Variants in P2RY14 observed in about 807,000 individuals in gnomAD.
P2RY14 encodes purinergic receptor P2Y14.
In P2RY14, 2 loss-of-function variants were observed where a neutral mutation model predicts 0.9. That is an observed-to-expected ratio of 2.16 (90% CI 0.88 to 6.79). The LOEUF (loss-of-function observed/expected upper bound fraction) is 6.79. P2RY14 is among the 30% of genes most tolerant of loss of function. The pLI is 0.05. For missense variants in P2RY14, 378 were observed against 400.1 expected (o/e 0.94, Z 0.47); for synonymous variants, 158 against 147.2 (o/e 1.07, Z -0.53).
chr3:151,213,386 G>T lies in P2RY14; in HGVS notation c.931C>A (p.His311Asn), dbSNP rs139530456. Residue 311 changes from histidine (H) to asparagine (N), a missense_variant, in exon 3 of 3, where the codon CAC becomes AAC. Coordinates refer to ENST00000309170, the MANE Select transcript of P2RY14 (RefSeq NM_014879.4). Reference sequence around the variant, plus strand: ...TCATTCTGAGCTTTTAATGGAATGTGCAATTTCTTACATAAGATTTCCCTA... The same window carrying T: ...TCATTCTGAGCTTTTAATGGAATGTTCAATTTCTTACATAAGATTTCCCTA... ...PFREILCKKL[H>N]IPLKAQNDLD... 13 of 1,613,582 alleles carry T rather than the reference G, an allele frequency of 8.1e-6. No individual in the cohort carries two copies. Among genetic ancestry groups the T allele is most frequent in the Non-Finnish European group, 1.1e-5 (13 of 1,179,638 alleles).
intron 2 of P2RY14, among the ~76,000 whole-genome samples, chr3:151,215,273 G>A (rs995306418): frequency 2.7e-4 from 41 of 152,208 alleles, no homozygotes; most frequent in African/African-American, 8.9e-4. Context: ...AGCCATGTGT[G>A]GGTATTGAGC....
chr3:151,245,667 T>G (rs1358195536), intron 1 of P2RY14, among the ~76,000 whole-genome samples: 1 of 133,166 alleles, frequency 7.5e-6, no homozygotes, highest in Non-Finnish European at 1.6e-5. Context: ...AATATCATAC[T>G]GAATGGGCAA....
At chr3:151,258,091 G>C (rs1738162879) in intron 1 of P2RY14, among the ~76,000 whole-genome samples, 1 of 152,098 alleles carries the variant, frequency 6.6e-6, no homozygotes, top group South Asian at 2.1e-4. Context: ...CCAATCTGTG[G>C]GTCCCTGAGT....
chr3:151,233,008 A>G (rs1440694625), intron 1 of P2RY14, among the ~76,000 whole-genome samples: 4 of 152,218 alleles, frequency 2.6e-5, no homozygotes, highest in Admixed American at 2.6e-4. Context: ...AGCTATTACC[A>G]GACAGTGTAT....
At chr3:151,252,756 A>T (rs990565543) in intron 1 of P2RY14, among the ~76,000 whole-genome samples, 1 of 152,148 alleles carries the variant, frequency 6.6e-6, no homozygotes, top group Non-Finnish European at 1.5e-5. Flanking sequence ...AGGTTTGTTC[A>T]TATGTAATCT....
rs1252732953 is a variant in P2RY14 at position 151,213,363 on chromosome 3, A to G, written c.954T>C (p.Asn318=). ...KKLHIPLKAQ[N]DLDISRIKRG... is the part of the protein sequence containing the mutation. ...TTTTGATTCTGGAAATGTCTAGGTC[A>G]TTCTGAGCTTTTAATGGAATGTGCA... Residue 318 remains asparagine (N), a synonymous_variant, in exon 3 of 3, where the codon AAT becomes AAC. Transcript: ENST00000309170. The G allele has an allele frequency of 6.2e-7, 1 of 1,613,844 alleles. No individual in the cohort carries two copies. The highest frequency in any genetic ancestry group is 8.5e-7 in the Non-Finnish European group (1 of 1,179,932).
At chr3:151,223,689 C>T (rs1017791838) in intron 1 of P2RY14, among the ~76,000 whole-genome samples, 5 of 152,130 alleles carry the variant, frequency 3.3e-5, no homozygotes, top group South Asian at 4.1e-4. Flanking sequence ...ACTCCAAAGA[C>T]GGGGAGGTAG....
intron 1 of P2RY14, among the ~76,000 whole-genome samples, chr3:151,225,500 C>T (rs1220767629): frequency 2.6e-5 from 4 of 152,130 alleles, no homozygotes; most frequent in African/African-American, 9.7e-5. Flanking sequence ...AATTTGCTCA[C>T]GAGGCCTTTG....
chr3:151,217,354 A>G (rs3821666), intron 2 of P2RY14, among the ~76,000 whole-genome samples: 8,851 of 152,284 alleles, frequency 0.058, 780 homozygotes, highest in African/African-American at 0.19. Flanking sequence ...CTGCAGGTCC[A>G]GAACTCTGCT....
chr3:151,226,862 C>T (rs186359668), intron 1 of P2RY14, among the ~76,000 whole-genome samples: 8 of 152,272 alleles, frequency 5.3e-5, no homozygotes, highest in East Asian at 1.9e-4. Flanking sequence ...GATACAGAGT[C>T]GGACTATCAT....
chr3:151,221,325 G>C lies in P2RY14; in HGVS notation c.-132-1683C>G, dbSNP rs552953556. 2.0e-5 allele frequency among the ~76,000 whole-genome samples: 3 copies of C among 152,340 alleles called. No individual in the cohort carries two copies. In the East Asian group the frequency reaches 5.8e-4, roughly 29 times the overall value. On this transcript the variant is annotated intron_variant, in intron 1 of 2. Coordinates refer to ENST00000309170, the MANE Select transcript of P2RY14 (RefSeq NM_014879.4). Reference sequence around the variant, plus strand: ...AGAAAAGAAAATCCCATCTTCTGACGAGAAGTTCAAGCCGGCTGCAGAAGT... The same window carrying C: ...AGAAAAGAAAATCCCATCTTCTGACCAGAAGTTCAAGCCGGCTGCAGAAGT...
intron 1 of P2RY14, among the ~76,000 whole-genome samples, chr3:151,232,660 A>G (rs972524800): frequency 1.3e-5 from 2 of 152,248 alleles, no homozygotes; most frequent in African/African-American, 4.8e-5. Context: ...GCTGGAAACC[A>G]TTATCCTTAG....
chr3:151,233,664 C>T (rs956872508), intron 1 of P2RY14, among the ~76,000 whole-genome samples: 4 of 152,124 alleles, frequency 2.6e-5, no homozygotes, highest in Non-Finnish European at 4.4e-5. Flanking sequence ...ACCCGGGAGG[C>T]GGAGGTTGTG....
At chr3:151,243,489 A>G (rs559899467) in intron 1 of P2RY14, among the ~76,000 whole-genome samples, 16 of 152,214 alleles carry the variant, frequency 1.1e-4, no homozygotes, top group Non-Finnish European at 2.4e-4. Flanking sequence ...AGAATTTTCA[A>G]CCTGGAATTT....
rs190929035 is a variant in P2RY14 at position 151,250,291 on chromosome 3, T to C, written c.-133+27996A>G. On this transcript the variant is annotated intron_variant, in intron 1 of 2. Coordinates refer to ENST00000309170, the MANE Select transcript of P2RY14 (RefSeq NM_014879.4). ...TTTTGGGATTGTGGTGAAATACACA[T>C]AACATTTGCCACCTTAACTATTTTT... Among the ~76,000 whole-genome samples, 135 of 152,352 alleles carry C rather than the reference T, an allele frequency of 8.9e-4. No individual in the cohort carries two copies. The East Asian group carries it at 0.021, about 24-fold the overall frequency.
intron 1 of P2RY14, among the ~76,000 whole-genome samples, chr3:151,236,119 T>C (rs1732733243): frequency 6.6e-6 from 1 of 152,204 alleles, no homozygotes; most frequent in Admixed American, 6.5e-5. Flanking sequence ...ATTTCTCTTG[T>C]TAACGGCAAA....
intron 1 of P2RY14, among the ~76,000 whole-genome samples, chr3:151,266,682 G>T (rs556208107): frequency 1.1e-3 from 169 of 152,306 alleles, no homozygotes; most frequent in Non-Finnish European, 1.2e-3. Flanking sequence ...TCAGTGGAAA[G>T]GAACTCCAGC....
intron 1 of P2RY14, among the ~76,000 whole-genome samples, chr3:151,256,148 G>C (rs1737773186): frequency 6.6e-6 from 1 of 152,132 alleles, no homozygotes; most frequent in Non-Finnish European, 1.5e-5. Flanking sequence ...GTAGGTCTTT[G>C]ACCCAGCCAC....
chr3:151,254,418 C>G (rs1342917961), intron 1 of P2RY14, among the ~76,000 whole-genome samples: 2 of 152,170 alleles, frequency 1.3e-5, no homozygotes, highest in Non-Finnish European at 2.9e-5. Flanking sequence ...CCAGGGGAAA[C>G]CTTGCTGTCT....
Sources: allele counts gnomAD v4.1 joint callset (sites outside exome capture counted in the v4.1 genomes callset), GRCh38; gene constraint gnomAD v4.1.1; transcripts MANE v1.5; gene names NCBI Gene and HGNC (gene_info 2026-07-23, HGNC 2026-07-21).